The following PCDH15 variants were observed in gnomAD, a reference collection of about 807,000 sequenced individuals.
PCDH15 encodes protocadherin related 15, also known as protocadherin-15.
In PCDH15, 129 loss-of-function variants were observed where a neutral mutation model predicts 178.5. The ratio of observed to expected loss-of-function variants is 0.72; its 90% CI spans 0.63 to 0.84. The LOEUF is 0.84. Among genes scored for constraint, PCDH15 ranks in the 40% least tolerant of loss-of-function variants. The pLI, the probability that PCDH15 is intolerant of heterozygous loss-of-function variation, is 0.00. For synonymous variants in PCDH15, 800 were observed against 732.0 expected (o/e 1.09, Z -1.50); for missense variants, 2,230 against 2,099.9 (o/e 1.06, Z -1.21).
intron 3 of PCDH15, among the ~76,000 whole-genome samples, chr10:54,502,517 A>G (rs572542496): frequency 1.3e-5 from 2 of 152,166 alleles, no homozygotes; most frequent in African/African-American, 4.8e-5. Flanking sequence ...TGCCCTCTAA[A>G]GTACTATATA....
chr10:53,987,605 G>T (rs2091196913), intron 21 of PCDH15, among the ~76,000 whole-genome samples: 1 of 151,936 alleles, frequency 6.6e-6, no homozygotes, highest in African/African-American at 2.4e-5. Flanking sequence ...AAACAAAAAG[G>T]TGAGTCATAA....
At chr10:54,122,466 G>T (rs913472421) in intron 15 of PCDH15, among the ~76,000 whole-genome samples, 2 of 151,832 alleles carry the variant, frequency 1.3e-5, no homozygotes, top group African/African-American at 4.8e-5. Flanking sequence ...AAGACAGAGA[G>T]ATCTTGTCTC....
intron 8 of PCDH15, among the ~76,000 whole-genome samples, chr10:54,293,304 A>G (rs558019793): frequency 1.3e-5 from 2 of 152,348 alleles, no homozygotes; most frequent in African/African-American, 2.4e-5. Flanking sequence ...TACACCTTAT[A>G]CAAAAATTAA....
At chr10:54,367,633 A>T (rs1253016096) in intron 5 of PCDH15, among the ~76,000 whole-genome samples, 1 of 151,846 alleles carries the variant, frequency 6.6e-6, no homozygotes, top group East Asian at 1.9e-4. Flanking sequence ...AGGGAGGAAA[A>T]CATCACACAC....
intron 3 of PCDH15, among the ~76,000 whole-genome samples, chr10:54,889,969 C>CT (rs1431249195): frequency 6.6e-6 from 1 of 151,772 alleles, no homozygotes; most frequent in Non-Finnish European, 1.5e-5. Context: ...ATAATTGTAC[C>CT]TTTTTATTTA....
intron 2 of PCDH15, among the ~76,000 whole-genome samples, chr10:55,331,996 C>T (rs1016318864): frequency 2.6e-5 from 4 of 152,050 alleles, no homozygotes; most frequent in Admixed American, 6.6e-5. Context: ...TCAAAACTGG[C>T]TGCCATTTAC....
chr10:54,737,763 G>T (rs1944303604), intron 1 of PCDH15, among the ~76,000 whole-genome samples: 1 of 152,098 alleles, frequency 6.6e-6, no homozygotes. Flanking sequence ...TATTAGGTAT[G>T]ATTGAGTACA....
chr10:55,299,578 T>G (rs890638604), intron 1 of PCDH15, among the ~76,000 whole-genome samples: 6 of 152,192 alleles, frequency 3.9e-5, no homozygotes, highest in African/African-American at 1.4e-4. Flanking sequence ...TGGCAAAATC[T>G]TTATCTGGCA....
chr10:54,628,812 T>C (rs1296031492), intron 2 of PCDH15, among the ~76,000 whole-genome samples: 2 of 152,128 alleles, frequency 1.3e-5, no homozygotes, highest in East Asian at 1.9e-4. Context: ...ATTTGATAAA[T>C]ACAATGTGGC....
At chr10:54,457,540 A>G (rs572721152) in intron 3 of PCDH15, among the ~76,000 whole-genome samples, 9 of 152,148 alleles carry the variant, frequency 5.9e-5, no homozygotes, top group Non-Finnish European at 1.2e-4. Context: ...ACCACCTGCT[A>G]TTGCTCTCAG....
At chr10:54,743,395 C>T (rs1287019759) in intron 1 of PCDH15, among the ~76,000 whole-genome samples, 1 of 151,938 alleles carries the variant, frequency 6.6e-6, no homozygotes, top group African/African-American at 2.4e-5. Context: ...CTTCTCCTTA[C>T]ATTAACTATA....
At chr10:54,291,998 G>A (rs1489447510) in intron 8 of PCDH15, among the ~76,000 whole-genome samples, 1 of 152,124 alleles carries the variant, frequency 6.6e-6, no homozygotes, top group Non-Finnish European at 1.5e-5. Context: ...TGATACCAAA[G>A]CCTGGCAGAG....
chr10:55,587,630 T>C (rs372576202), intron 2 of PCDH15, among the ~76,000 whole-genome samples: 1 of 152,094 alleles, frequency 6.6e-6, no homozygotes, highest in Non-Finnish European at 1.5e-5. Context: ...TTTGTGAAGA[T>C]TAAAAGAAAA....
intron 9 of PCDH15, among the ~76,000 whole-genome samples, chr10:54,217,328 T>C (rs2052206002): frequency 6.6e-6 from 1 of 152,138 alleles, no homozygotes; most frequent in African/African-American, 2.4e-5. Context: ...AAAGTAGTAC[T>C]GACATCACAC....
chr10:53,867,026 T>C (rs1206473394), intron 26 of PCDH15, among the ~76,000 whole-genome samples, 169 bp from the exon 27 acceptor site: 2 of 152,092 alleles, frequency 1.3e-5, no homozygotes, highest in Non-Finnish European at 1.5e-5. Context: ...TTAATAGACT[T>C]TGTGTCCACA....
chr10:55,228,584 A>C (rs555162993), intron 1 of PCDH15, among the ~76,000 whole-genome samples: 1 of 152,032 alleles, frequency 6.6e-6, no homozygotes, highest in Non-Finnish European at 1.5e-5. Context: ...CTTAGAAGTT[A>C]TCAAATACAT....
intron 26 of PCDH15, among the ~76,000 whole-genome samples, chr10:53,882,333 C>G (rs551835363): frequency 9.2e-5 from 14 of 152,140 alleles, no homozygotes; most frequent in Non-Finnish European, 1.9e-4. Context: ...TCCCAGAGCT[C>G]GGGGCCTTTG....
At chr10:55,255,255 A>T (rs1398803622) in intron 1 of PCDH15, among the ~76,000 whole-genome samples, 1 of 152,056 alleles carries the variant, frequency 6.6e-6, no homozygotes, top group Non-Finnish European at 1.5e-5. Flanking sequence ...TTCCAGCTTC[A>T]TCCATGTCCC....
chr10:54,231,328 T>C (rs1336795837), intron 9 of PCDH15, among the ~76,000 whole-genome samples: 1 of 152,194 alleles, frequency 6.6e-6, no homozygotes, highest in Non-Finnish European at 1.5e-5. Flanking sequence ...TTCCATGTGA[T>C]GTTAAACCTG....
Sources: allele counts gnomAD v4.1 joint callset (sites outside exome capture counted in the v4.1 genomes callset), GRCh38; gene constraint gnomAD v4.1.1; transcripts MANE v1.5; gene names NCBI Gene and HGNC (gene_info 2026-07-23, HGNC 2026-07-21).